Variants in HERPUD2 observed in about 807,000 individuals in gnomAD.
HERPUD2 encodes homocysteine-responsive endoplasmic reticulum-resident ubiquitin-like domain member 2 protein.
HERPUD2 carries 13 observed loss-of-function variants against 49.9 expected under a neutral mutation model. The ratio of observed to expected loss-of-function variants is 0.26; its 90% CI spans 0.17 to 0.41. The LOEUF is 0.41. HERPUD2 is among the 10% of genes least tolerant of loss of function. HERPUD2 has a pLI of 1.00. For synonymous variants in HERPUD2, 172 were observed against 171.4 expected, an observed-to-expected ratio of 1.00 and a Z score of -0.03; for missense variants, 449 against 492.2, an observed-to-expected ratio of 0.91 and a Z score of 0.83.
chr7:35,647,964 TA>T (rs140175728), intron 5 of HERPUD2, among the ~76,000 whole-genome samples: 12,611 of 152,244 alleles, frequency 0.083, 749 homozygotes, highest in South Asian at 0.21. Flanking sequence ...TTTTTAAAGA[TA>T]ACCACCACAC....
intron 5 of HERPUD2, among the ~76,000 whole-genome samples, chr7:35,656,953 T>A (rs922666628): frequency 1.3e-5 from 2 of 151,582 alleles, no homozygotes; most frequent in Non-Finnish European, 2.9e-5. Context: ...ATAGGTCCCA[T>A]CAAAAATTTT....
chr7:35,662,197 A>G (rs1253589017), intron 5 of HERPUD2, among the ~76,000 whole-genome samples: 1 of 152,190 alleles, frequency 6.6e-6, no homozygotes, highest in African/African-American at 2.4e-5. Context: ...CATATGTTAA[A>G]CCAGCCTTGC....
intron 2 of HERPUD2, among the ~76,000 whole-genome samples, chr7:35,674,837 G>A (rs1785726053): frequency 6.6e-6 from 1 of 152,192 alleles, no homozygotes; most frequent in African/African-American, 2.4e-5. Flanking sequence ...GAGTGGATGG[G>A]CCCAGAAAGG....
At chr7:35,673,081 A>G (rs1040820467) in intron 3 of HERPUD2, 120 bp downstream of exon 3, 1 of 651,668 alleles carries the variant, frequency 1.5e-6, no homozygotes, top group African/African-American at 1.8e-5. Context: ...TACTTGTTAC[A>G]CCACGCAAAG....
chr7:35,691,852 A>C (rs1469835460), intron 2 of HERPUD2, among the ~76,000 whole-genome samples: 1 of 152,200 alleles, frequency 6.6e-6, no homozygotes, highest in Non-Finnish European at 1.5e-5. Flanking sequence ...ACTGCTGCTC[A>C]ACAACTGTGA....
intron 7 of HERPUD2, 127 bp downstream of exon 7, chr7:35,635,008 T>A: frequency 6.0e-6 from 4 of 661,364 alleles, no homozygotes; most frequent in Non-Finnish European, 7.5e-6. Context: ...ATCAAAAACA[T>A]GCCAGATATC....
chr7:35,681,343 A>G (rs1311730274), intron 2 of HERPUD2, among the ~76,000 whole-genome samples: 1 of 152,112 alleles, frequency 6.6e-6, no homozygotes, highest in Non-Finnish European at 1.5e-5. Flanking sequence ...GAGAAACTAG[A>G]CCCTTCCTAC....
chr7:35,643,157 T>C (rs1784994453), intron 5 of HERPUD2, among the ~76,000 whole-genome samples: 1 of 152,192 alleles, frequency 6.6e-6, no homozygotes, highest in Non-Finnish European at 1.5e-5. Flanking sequence ...CTCATTAATT[T>C]TTTTAAAAAT....
intron 5 of HERPUD2, among the ~76,000 whole-genome samples, chr7:35,653,779 C>T (rs893847260): frequency 1.8e-4 from 27 of 152,268 alleles, no homozygotes; most frequent in African/African-American, 6.5e-4. Context: ...GTACAAAATA[C>T]ATGGAAATTA....
intron 2 of HERPUD2, among the ~76,000 whole-genome samples, chr7:35,674,212 C>T (rs1451238098): frequency 6.6e-6 from 1 of 151,502 alleles, no homozygotes; most frequent in African/African-American, 2.4e-5. Flanking sequence ...GGCATCCTTA[C>T]ACACCAAAGG....
At chr7:35,653,154 T>A (rs1358116702) in intron 5 of HERPUD2, among the ~76,000 whole-genome samples, 1 of 152,170 alleles carries the variant, frequency 6.6e-6, no homozygotes, top group Non-Finnish European at 1.5e-5. Flanking sequence ...AGAATTTTTT[T>A]AAATGATCCA....
At chr7:35,653,171 T>G (rs554879205) in intron 5 of HERPUD2, among the ~76,000 whole-genome samples, 48 of 152,304 alleles carry the variant, frequency 3.2e-4, no homozygotes, top group African/African-American at 9.4e-4. Context: ...TCCAACCACA[T>G]GCTGCCTACA....
chr7:35,689,188 AAAGACAT>A (rs1786130284), intron 2 of HERPUD2, among the ~76,000 whole-genome samples: 1 of 152,204 alleles, frequency 6.6e-6, no homozygotes, highest in African/African-American at 2.4e-5. Context: ...TATTTTCCAA[AAAGACAT>A]AAGGCTACAA....
rs547899349 is a variant in HERPUD2, at chr7:35,661,375, T to C, written c.494+6059A>G. Among the ~76,000 whole-genome samples, 6 of 152,330 alleles carry C rather than the reference T, an allele frequency of 3.9e-5. No individual in the cohort carries two copies. In the South Asian group the frequency reaches 1.2e-3, roughly 32 times the overall value. ...TTGGCAATGCGGGCTCTTTTTTGGT[T>C]CCATATGAACTTTAGTTTTTTCCAA... On this transcript the variant is annotated intron_variant, in intron 5 of 8. Transcript: ENST00000311350.
Position 35,694,246 on chromosome 7 carries a change from A to G in HERPUD2, c.85T>C (p.Phe29Leu), listed in dbSNP as rs765045900. The G allele has an allele frequency of 1.2e-6, 2 of 1,614,160 alleles. No individual in the cohort carries two copies. Among genetic ancestry groups the G allele is most frequent in the Non-Finnish European group, 1.7e-6 (2 of 1,180,008 alleles). Reference sequence around the variant, plus strand: ...AGTTTCCCCACGGTCCAGTTCAAGAAGCAGCTAATAGTCTGGTCACTGTAT... The same window carrying G: ...AGTTTCCCCACGGTCCAGTTCAAGAGGCAGCTAATAGTCTGGTCACTGTAT... ...QKYSDQTISC[F>L]LNWTVGKLKT... The change falls in exon 2 of 9, where the codon TTC (phenylalanine) becomes CTC (leucine). Residue 29 changes from phenylalanine (F) to leucine (L), a missense_variant. By Grantham distance (22) the Phe-to-Leu change is conservative. Coordinates refer to ENST00000311350, the MANE Select transcript of HERPUD2 (RefSeq NM_022373.5).
At chr7:35,666,896 A>G (rs1374927184) in intron 5 of HERPUD2, among the ~76,000 whole-genome samples, 1 of 152,238 alleles carries the variant, frequency 6.6e-6, no homozygotes, top group African/African-American at 2.4e-5. Flanking sequence ...GTTTTACTCT[A>G]GCACAGTTGT....
At chr7:35,637,577 G>A (rs1264363814) in intron 6 of HERPUD2, among the ~76,000 whole-genome samples, 1 of 152,178 alleles carries the variant, frequency 6.6e-6, no homozygotes, top group Non-Finnish European at 1.5e-5. Context: ...GACACAGGAT[G>A]AAGCACAGGA....
At chr7:35,648,933 A>T (rs1562671593) in intron 5 of HERPUD2, among the ~76,000 whole-genome samples, 1 of 152,250 alleles carries the variant, frequency 6.6e-6, no homozygotes, top group Non-Finnish European at 1.5e-5. Context: ...ACCTACATAA[A>T]GAAAAATCAT....
chr7:35,643,514 T>G (rs1272992428), intron 5 of HERPUD2, among the ~76,000 whole-genome samples: 1 of 152,140 alleles, frequency 6.6e-6, no homozygotes, highest in Non-Finnish European at 1.5e-5. Context: ...GATATTTACA[T>G]GAAATTTTGT....
Sources: gnomAD v4.1 joint callset for allele counts (sites outside exome capture counted in the v4.1 genomes callset) on GRCh38, gnomAD v4.1.1 for gene constraint, MANE v1.5 for transcripts, NCBI Gene and HGNC (gene_info 2026-07-23, HGNC 2026-07-21) for gene names.